Variants in RUNX2 observed in about 807,000 individuals in gnomAD.
RUNX2 encodes the protein RUNX family transcription factor 2.
In RUNX2, 10 loss-of-function variants were observed where a neutral mutation model predicts 51.7. That is an observed-to-expected ratio of 0.19 (90% CI 0.12 to 0.33). RUNX2 has a LOEUF of 0.33. Ranked by LOEUF, RUNX2 falls within the 10% of genes least tolerant of loss-of-function variation. RUNX2 has a pLI of 1.00. For synonymous variants in RUNX2, 276 were observed against 273.6 expected, an observed-to-expected ratio of 1.01 and a Z score of -0.09; for missense variants, 562 against 691.3, an observed-to-expected ratio of 0.81 and a Z score of 2.10.
chr6:45,451,908 C>T (rs1305483161), intron 5 of RUNX2, among the ~76,000 whole-genome samples: 1 of 152,112 alleles, frequency 6.6e-6, no homozygotes, highest in African/African-American at 2.4e-5. Context: ...AGCTCAGACT[C>T]GCAGAGGTTT....
At chr6:45,455,550 G>A (rs180991373) in intron 5 of RUNX2, among the ~76,000 whole-genome samples, 1 of 152,228 alleles carries the variant, frequency 6.6e-6, no homozygotes, top group Non-Finnish European at 1.5e-5. Context: ...ATAACTTTGA[G>A]AGTCTAACTT....
chr6:45,529,485 G>A (rs916828039), intron 7 of RUNX2, among the ~76,000 whole-genome samples: 2 of 151,980 alleles, frequency 1.3e-5, no homozygotes, highest in African/African-American at 4.8e-5. Context: ...CGGATGATGG[G>A]TTGGCTGTTT....
chr6:45,466,172 C>T (rs535978244), intron 5 of RUNX2, among the ~76,000 whole-genome samples: 2 of 151,480 alleles, frequency 1.3e-5, no homozygotes, highest in African/African-American at 2.4e-5. Flanking sequence ...AAAAATTAGC[C>T]GAGTGTGGTG....
At chr6:45,545,456 G>C (rs1802369886) in intron 8 of RUNX2, among the ~76,000 whole-genome samples, 174 bp downstream of exon 8, 1 of 152,230 alleles carries the variant, frequency 6.6e-6, no homozygotes, top group Non-Finnish European at 1.5e-5. Context: ...ATTATAAGCA[G>C]TGTGCATTTT....
At chr6:45,377,711 GCTCT>G (rs1198975009) in intron 2 of RUNX2, 1 of 152,232 alleles carries the variant, frequency 6.6e-6, no homozygotes, top group East Asian at 1.9e-4. Flanking sequence ...GTCCCTCCCG[GCTCT>G]CTGACGTCTC....
chr6:45,546,830 C>A lies in RUNX2; in HGVS notation c.1091C>A (p.Ala364Asp). 1 of 1,612,804 alleles carries A rather than the reference C, an allele frequency of 6.2e-7. No individual in the cohort carries two copies. The highest frequency in any genetic ancestry group is 8.5e-7 in the Non-Finnish European group (1 of 1,179,072). The stretch of plus-strand genomic sequence containing the variant: ...CATCTTCTGTTATAATTTTTAGGTG[C>A]TTCAGAACTGGGCCCTTTTTCAGAC... ...STLSKKSQAG[A>D]SELGPFSDPR... The change falls in exon 9 of 9, where the codon GCT becomes GAT. Residue 364 changes from alanine to aspartate, a missense_variant. Physicochemically the swap from Ala to Asp is moderately radical, Grantham distance 126. Coordinates refer to ENST00000647337, the MANE Select transcript of RUNX2 (RefSeq NM_001024630.4).
chr6:45,514,432 G>A (rs1220543137), intron 7 of RUNX2, among the ~76,000 whole-genome samples: 2 of 152,202 alleles, frequency 1.3e-5, no homozygotes, highest in Non-Finnish European at 2.9e-5. Flanking sequence ...TTAGGCCACA[G>A]GTAGGAGTGA....
At chr6:45,403,831 T>C (rs1797772975) in intron 2 of RUNX2, among the ~76,000 whole-genome samples, 1 of 152,068 alleles carries the variant, frequency 6.6e-6, no homozygotes, top group Admixed American at 6.6e-5. Context: ...TATCAAATGG[T>C]AAACTATCAG....
At chr6:45,365,868 G>A (rs867299529) in intron 2 of RUNX2, among the ~76,000 whole-genome samples, 3 of 132,756 alleles carry the variant, frequency 2.3e-5, no homozygotes, top group Admixed American at 1.6e-4. Context: ...AATGTCAATC[G>A]GTAGATCAAA....
At chr6:45,386,154 G>A (rs1797343260) in intron 2 of RUNX2, among the ~76,000 whole-genome samples, 4 of 147,372 alleles carry the variant, frequency 2.7e-5, no homozygotes, top group South Asian at 2.1e-4. Context: ...TGCAACCTCC[G>A]CCTCCCAGGT....
chr6:45,477,675 A>C (rs1411633794), intron 5 of RUNX2, among the ~76,000 whole-genome samples: 1 of 152,148 alleles, frequency 6.6e-6, no homozygotes, highest in African/African-American at 2.4e-5. Flanking sequence ...TTTAGTGCTG[A>C]TTTAGCTTAG....
intron 7 of RUNX2, among the ~76,000 whole-genome samples, chr6:45,515,051 C>T (rs755238738): frequency 3.3e-5 from 5 of 151,606 alleles, no homozygotes; most frequent in Admixed American, 1.3e-4. Context: ...TTCCACATAA[C>T]GCGGACAGCT....
intron 2 of RUNX2, among the ~76,000 whole-genome samples, chr6:45,414,356 C>T (rs1004130): frequency 0.08 from 12,174 of 152,148 alleles, 720 homozygotes; most frequent in South Asian, 0.18. Context: ...CTAGACAGAA[C>T]GGTCCCTTTA....
chr6:45,365,461 T>C (rs1158186561), intron 2 of RUNX2, among the ~76,000 whole-genome samples: 1 of 151,892 alleles, frequency 6.6e-6, no homozygotes, highest in Non-Finnish European at 1.5e-5. Context: ...ATGTTCTTTA[T>C]TAAAATGAAA....
At chr6:45,365,870 T>C (rs149989178) in intron 2 of RUNX2, among the ~76,000 whole-genome samples, 40 of 130,182 alleles carry the variant, frequency 3.1e-4, no homozygotes, top group African/African-American at 9.8e-4. Flanking sequence ...TGTCAATCGG[T>C]AGATCAAAAG....
intron 5 of RUNX2, among the ~76,000 whole-genome samples, chr6:45,488,656 C>T (rs868414462): frequency 1.3e-5 from 2 of 152,126 alleles, no homozygotes; most frequent in South Asian, 4.1e-4. Context: ...GCCTGGACAT[C>T]CATGTTTCAA....
At position 45,422,665 on chromosome 6, in the gene RUNX2, C is replaced by G. The variant is rs1242010684; in HGVS notation, c.131C>G (p.Pro44Arg). Residue 44 changes from proline (P) to arginine (R), a missense_variant, in exon 3 of 9, where the codon CCG (proline) becomes CGG (arginine). This residue lies in a region of RUNX2 where 153 missense variants were observed against 144.8 expected (regional missense o/e 1.06). Transcript: ENST00000647337. ...CCCGGCAAAATGAGCGACGTGAGCC[C>G]GGTGGTGGCTGCGCAACAGCAGCAG... is the stretch of plus-strand genomic sequence containing the variant. ...LQPGKMSDVS[P>R]VVAAQQQQQQ... 7 of 1,606,794 alleles carry G rather than the reference C, an allele frequency of 4.4e-6. No individual in the cohort carries two copies. The highest frequency in any genetic ancestry group is 5.9e-6 in the Non-Finnish European group (7 of 1,177,486).
intron 5 of RUNX2, among the ~76,000 whole-genome samples, chr6:45,460,485 C>G (rs148401370): frequency 6.6e-6 from 1 of 152,200 alleles, no homozygotes; most frequent in Admixed American, 6.5e-5. Flanking sequence ...GAGGTGAGTA[C>G]AATGAATTTA....
At chr6:45,363,973 G>A (rs1057200200) in intron 2 of RUNX2, among the ~76,000 whole-genome samples, 13 of 151,830 alleles carry the variant, frequency 8.6e-5, no homozygotes, top group African/African-American at 3.1e-4. Flanking sequence ...AAATTAGCCG[G>A]GTGTGGTGGC....
Sources: allele counts gnomAD v4.1 joint callset (sites outside exome capture counted in the v4.1 genomes callset), GRCh38; gene constraint gnomAD v4.1.1; regional missense constraint gnomAD v4.1.1; transcripts MANE v1.5; gene names NCBI Gene and HGNC (gene_info 2026-07-23, HGNC 2026-07-21).